KIRREL3: variants seen among roughly 807,000 people sequenced by gnomAD.
The protein encoded by KIRREL3 is kin of IRRE-like protein 3.
A neutral mutation model predicts 89.7 loss-of-function variants in KIRREL3; 36 were observed. The ratio of observed to expected loss-of-function variants is 0.40; its 90% CI spans 0.31 to 0.53. KIRREL3 has a LOEUF of 0.53. KIRREL3 is among the 20% of genes least tolerant of loss of function. KIRREL3 has a pLI of 0.49. For synonymous variants in KIRREL3, 445 were observed against 441.4 expected (o/e 1.01, Z -0.10); for missense variants, 864 against 1,056.6 (o/e 0.82, Z 2.53).
Position 126,663,182 on chromosome 11 carries a change from C to CTT in KIRREL3, c.56-100272_56-100271dup, listed in dbSNP as rs61217908. ...GGGGAGGTTTTGATATCATGTCTGG[C>CTT]TTTTTTTTTTTTTTTTTTTTTGAGA... On this transcript the variant is annotated intron_variant, in intron 1 of 16. Coordinates refer to ENST00000525144, the MANE Select transcript of KIRREL3 (RefSeq NM_032531.4). 2.6e-3 allele frequency among the ~76,000 whole-genome samples: 238 copies of CTT among 90,786 alleles called. 5 individuals carry two copies. Among genetic ancestry groups the CTT allele is most frequent in the African/African-American group, 3.4e-3 (76 of 22,666 alleles). 59.6% of individuals were successfully genotyped at this position (90,786 alleles called of 152,430 possible). A position where few individuals can be genotyped will look rare whatever the true frequency, so the allele number is the denominator to read the frequency against.
rs80235436 is a variant in KIRREL3 at position 126,797,829 on chromosome 11, A to C, written c.55+202626T>G. Among the ~76,000 whole-genome samples the C allele has an allele frequency of 0.018, 2,729 of 152,282 alleles. 90 individuals carry two copies. Among genetic ancestry groups the C allele is most frequent in the African/African-American group, 0.063 (2,611 of 41,532 alleles). ...AGCACCGGGAGCAATTTATTTCTAAACATCAACACTCCAGAATGCAAAGAA... is the reference window on the plus strand; with the variant it reads ...AGCACCGGGAGCAATTTATTTCTAACCATCAACACTCCAGAATGCAAAGAA... On this transcript the variant is annotated intron_variant, in intron 1 of 16. Transcript: ENST00000525144. This position sits in a 1 kb window ranked among gnomAD's most constrained non-coding sequence, Gnocchi z 4.9.
rs937907337 is a variant in KIRREL3 at position 126,807,049 on chromosome 11, A to G, written c.55+193406T>C. On this transcript the variant is annotated intron_variant, in intron 1 of 16. Coordinates refer to ENST00000525144, the MANE Select transcript of KIRREL3 (RefSeq NM_032531.4). The surrounding 1 kb of genome is among the most constrained non-coding windows in gnomAD (Gnocchi z 4.3). The stretch of plus-strand genomic sequence containing the variant: ...ATGACTGCATAGAATTCCATGGCAC[A>G]TATGTGCCACATGACCACGCTGTAC... 1.3e-5 allele frequency among the ~76,000 whole-genome samples: 2 copies of G among 152,338 alleles called. No individual in the cohort carries two copies. The highest frequency in any genetic ancestry group is 3.9e-4 in the East Asian group (2 of 5,176).
intron 1 of KIRREL3, among the ~76,000 whole-genome samples, chr11:126,855,540 A>G (rs562038400): frequency 1.3e-5 from 2 of 152,192 alleles, no homozygotes; most frequent in Non-Finnish European, 2.9e-5. Flanking sequence ...ATGAACTAAT[A>G]CACTTATTTT....
chr11:126,591,746 A>C (rs1030734510), intron 1 of KIRREL3, among the ~76,000 whole-genome samples: 3 of 152,256 alleles, frequency 2.0e-5, no homozygotes, highest in Non-Finnish European at 4.4e-5. Flanking sequence ...TGTCCTAGAT[A>C]CTAAGTTAGG....
intron 1 of KIRREL3, among the ~76,000 whole-genome samples, chr11:126,730,099 T>C (rs1397334256): frequency 6.6e-6 from 1 of 152,284 alleles, no homozygotes; most frequent in East Asian, 1.9e-4. Flanking sequence ...CTAGGTTCTA[T>C]CCCCAGCCGT....
At chr11:126,510,697 G>T (rs1419151892) in intron 4 of KIRREL3, among the ~76,000 whole-genome samples, 1 of 152,074 alleles carries the variant, frequency 6.6e-6, no homozygotes, top group Non-Finnish European at 1.5e-5. Flanking sequence ...TCTCTCTAGT[G>T]AGCTGAACCT....
chr11:126,712,158 C>A (rs1250278645), intron 1 of KIRREL3, among the ~76,000 whole-genome samples: 2 of 152,116 alleles, frequency 1.3e-5, no homozygotes, highest in Non-Finnish European at 2.9e-5. Context: ...CTTTCTGTGT[C>A]TCTGGTGAGT....
rs1354702967 is a variant in KIRREL3 at position 126,694,144 on chromosome 11, T to G, written c.56-131232A>C. 6.6e-6 allele frequency among the ~76,000 whole-genome samples: 1 copy of G among 152,028 alleles called. No individual in the cohort carries two copies. The highest frequency in any genetic ancestry group is 1.5e-5 in the Non-Finnish European group (1 of 68,000). ...TCCATCCCTAAGGGAGCCACATTCG[T>G]TTTTTTTCCTTTCAAAGTCGTCAGG... On this transcript the variant is annotated intron_variant, in intron 1 of 16. Transcript: ENST00000525144. This position sits in a 1 kb window ranked among gnomAD's most constrained non-coding sequence, Gnocchi z 4.4.
At chr11:126,678,033 T>C (rs1324277366) in intron 1 of KIRREL3, among the ~76,000 whole-genome samples, 2 of 152,124 alleles carry the variant, frequency 1.3e-5, no homozygotes, top group Admixed American at 6.5e-5. Flanking sequence ...AGGGAACTTA[T>C]CATCTCATTA....
chr11:126,891,374 G>A lies in KIRREL3; in HGVS notation c.55+109081C>T, dbSNP rs1945914151. On this transcript the variant is annotated intron_variant, in intron 1 of 16. Coordinates refer to ENST00000525144, the MANE Select transcript of KIRREL3 (RefSeq NM_032531.4). The surrounding 1 kb of genome is among the most constrained non-coding windows in gnomAD (Gnocchi z 5.1). ...AAAAAAGATATAATTTTAATTATCA[G>A]CAGCTCCACTTAAAAAAATCTTCAG... 6.6e-6 allele frequency among the ~76,000 whole-genome samples: 1 copy of A among 152,184 alleles called. No homozygotes were observed. The highest frequency in any genetic ancestry group is 1.5e-5 in the Non-Finnish European group (1 of 68,048).
intron 1 of KIRREL3, among the ~76,000 whole-genome samples, chr11:126,591,442 C>A (rs1257232119): frequency 2.0e-5 from 3 of 152,186 alleles, no homozygotes; most frequent in African/African-American, 7.2e-5. Context: ...GTTATAACAG[C>A]CAGGGCATTA....
chr11:126,975,900 C>T (rs1009707042), intron 1 of KIRREL3, among the ~76,000 whole-genome samples: 10 of 93,514 alleles, frequency 1.1e-4, no homozygotes, highest in African/African-American at 4.2e-5. Context: ...CCCTCCCTCC[C>T]TCCCTTCCTC....
intron 1 of KIRREL3, among the ~76,000 whole-genome samples, chr11:126,902,142 G>A (rs895291966): frequency 1.3e-5 from 2 of 152,218 alleles, no homozygotes; most frequent in Non-Finnish European, 2.9e-5. Flanking sequence ...TGTTCCAGTG[G>A]TCTCATCATC....
chr11:126,834,897 A>G (rs112135506), intron 1 of KIRREL3, among the ~76,000 whole-genome samples: 2,204 of 152,348 alleles, frequency 0.014, 58 homozygotes, highest in African/African-American at 0.05. Context: ...CCTACTGACC[A>G]TGCTCAGAGC....
chr11:126,945,906 T>C (rs1948609091), intron 1 of KIRREL3, among the ~76,000 whole-genome samples: 1 of 152,184 alleles, frequency 6.6e-6, no homozygotes, highest in African/African-American at 2.4e-5. Context: ...CTTTTAGTTC[T>C]AAAATACTGT....
rs1940312389 is a variant in KIRREL3 at position 126,563,839 on chromosome 11, A to G, written c.56-927T>C. ...ATCTTAATCACTTTATGGATCCTGAAGCAATAGCACACTAATTTTTTTGAC... is the reference window on the plus strand; with the variant it reads ...ATCTTAATCACTTTATGGATCCTGAGGCAATAGCACACTAATTTTTTTGAC... On this transcript the variant is annotated intron_variant, in intron 1 of 16. Transcript: ENST00000525144. The surrounding 1 kb of genome is among the most constrained non-coding windows in gnomAD (Gnocchi z 6.8). Among the ~76,000 whole-genome samples, 1 of 152,200 alleles carries G rather than the reference A, an allele frequency of 6.6e-6. No homozygotes were observed. Among genetic ancestry groups the G allele is most frequent in the Admixed American group, 6.5e-5 (1 of 15,272 alleles).
In KIRREL3 at chr11:126,562,913, CT is replaced by C; in HGVS notation, c.56-2del. 1 of 1,613,366 alleles carries C rather than the reference CT, an allele frequency of 6.2e-7. No individual in the cohort carries two copies. Among genetic ancestry groups the C allele is most frequent in the Non-Finnish European group, 8.5e-7 (1 of 1,179,518 alleles). ...CATCCTCTCTTCTGGAGGCCCAGCTCTGGAAGAGAAGCATAGGTGGGTGAGT... is the reference window on the plus strand; with the variant it reads ...CATCCTCTCTTCTGGAGGCCCAGCTCGGAAGAGAAGCATAGGTGGGTGAGT... On this transcript the variant is annotated splice_acceptor_variant, in intron 1 of 16. Coordinates refer to ENST00000525144, the MANE Select transcript of KIRREL3 (RefSeq NM_032531.4). LOFTEE classifies it high-confidence loss of function. The surrounding 1 kb of genome is among the most constrained non-coding windows in gnomAD (Gnocchi z 4.7).
intron 2 of KIRREL3, among the ~76,000 whole-genome samples, chr11:126,539,939 C>T (rs1240675650): frequency 6.6e-6 from 1 of 152,230 alleles, no homozygotes; most frequent in Non-Finnish European, 1.5e-5. Flanking sequence ...GACAAGGTTA[C>T]TCCAGTCTGG....
intron 1 of KIRREL3, among the ~76,000 whole-genome samples, chr11:126,745,348 T>C (rs1331759659): frequency 6.6e-6 from 1 of 151,974 alleles, no homozygotes; most frequent in African/African-American, 2.4e-5. Flanking sequence ...GCTTAGCTCA[T>C]TAAAAACAGC....
Sources: allele counts gnomAD v4.1 joint callset (sites outside exome capture counted in the v4.1 genomes callset), GRCh38; gene constraint gnomAD v4.1.1; non-coding constraint Gnocchi (gnomAD v3.1); transcripts MANE v1.5; gene names NCBI Gene and HGNC (gene_info 2026-07-23, HGNC 2026-07-21).